Variants in SMO observed in about 807,000 individuals in gnomAD.
SMO encodes the protein smoothened, frizzled class receptor.
SMO carries 40 observed loss-of-function variants against 81.6 expected under a neutral mutation model. That is an observed-to-expected ratio of 0.49 (90% CI 0.38 to 0.64). The LOEUF (loss-of-function observed/expected upper bound fraction) is 0.64, where lower values mean the gene tolerates loss of function less well. Ranked by LOEUF, SMO falls within the 30% of genes least tolerant of loss-of-function variation. SMO has a pLI of 0.00. For synonymous variants in SMO, 434 were observed against 432.1 expected, an observed-to-expected ratio of 1.00 and a Z score of -0.05; for missense variants, 916 against 1,061.1, an observed-to-expected ratio of 0.86 and a Z score of 1.90.
In SMO at chr7:129,212,638, T is replaced by G; in HGVS notation, c.*187T>G. On this transcript the variant is annotated 3_prime_UTR_variant, in exon 12 of 12. Coordinates refer to ENST00000249373, the MANE Select transcript of SMO (RefSeq NM_005631.5). This position sits in a 1 kb window ranked among gnomAD's most constrained non-coding sequence, Gnocchi z 5.0. ...TGTGGGAAAGAGCCTAACATCTCCATGGGGAGGCCTCACCCCAGGGACAGG... is the reference window on the plus strand; with the variant it reads ...TGTGGGAAAGAGCCTAACATCTCCAGGGGGAGGCCTCACCCCAGGGACAGG... 1.6e-6 allele frequency: 1 copy of G among 618,420 alleles called. No individual in the cohort carries two copies. The highest frequency in any genetic ancestry group is 2.8e-5 in the East Asian group (1 of 36,070). The allele number at this position is 618,420 out of a possible 1,614,324, so 38.3% of individuals were successfully genotyped here.
chr7:129,206,849 T>A lies in SMO; in HGVS notation c.1264+262T>A, dbSNP rs1793774604. Reference sequence around the variant, plus strand: ...AGGGCTCACAGCTTGTTTTTTTTGTTTGTTTTTGTTTTTGAGACAGAGTCT... The same window carrying A: ...AGGGCTCACAGCTTGTTTTTTTTGTATGTTTTTGTTTTTGAGACAGAGTCT... On this transcript the variant is annotated intron_variant, in intron 6 of 11. Coordinates refer to ENST00000249373, the MANE Select transcript of SMO (RefSeq NM_005631.5). The surrounding 1 kb of genome is among the most constrained non-coding windows in gnomAD (Gnocchi z 4.4). Among the ~76,000 whole-genome samples the A allele has an allele frequency of 6.6e-6, 1 of 152,106 alleles. No individual in the cohort carries two copies. The highest frequency in any genetic ancestry group is 6.6e-5 in the Admixed American group (1 of 15,266).
Position 129,189,182 on chromosome 7 carries a change from G to A in SMO, c.31G>A (p.Glu11Lys), listed in dbSNP as rs1410118911. 2 of 1,169,960 alleles carry A rather than the reference G, an allele frequency of 1.7e-6. No individual in the cohort carries two copies. The highest frequency in any genetic ancestry group is 2.1e-6 in the Non-Finnish European group (2 of 936,028). 72.5% of individuals were successfully genotyped at this position (1,169,960 alleles called of 1,614,324 possible). The change falls in exon 1 of 12, where the codon GAG (glutamate) becomes AAG (lysine). Residue 11 changes from glutamate (E) to lysine (K), a missense_variant. Physicochemically the swap from Glu to Lys is moderately conservative, Grantham distance 56 (BLOSUM62 1). This residue lies in a region of SMO where 146 missense variants were observed against 149.9 expected (regional missense o/e 0.97). Coordinates refer to ENST00000249373, the MANE Select transcript of SMO (RefSeq NM_005631.5). This position sits in a 1 kb window ranked among gnomAD's most constrained non-coding sequence, Gnocchi z 4.7. ...CGCTGCCCGCCCAGCGCGGGGGCCG[G>A]AGCTCCCGCTCCTGGGGCTGCTGCT... MAAARPARGPELPLLGLLLLL... is the reference protein window; with the variant it reads MAAARPARGPKLPLLGLLLLL...
intron 1 of SMO, among the ~76,000 whole-genome samples, chr7:129,190,669 A>C (rs1793469443): frequency 6.6e-6 from 1 of 152,254 alleles, no homozygotes; most frequent in Non-Finnish European, 1.5e-5. Flanking sequence ...GGCTTGGTGC[A>C]GATGCTGGAG....
In SMO at chr7:129,206,584, C is replaced by T. The variant is rs2150650879; in HGVS notation, c.1261C>T (p.Arg421Ter). 3 of 1,614,112 alleles carry T rather than the reference C, an allele frequency of 1.9e-6. No individual in the cohort carries two copies. Among genetic ancestry groups the T allele is most frequent in the Non-Finnish European group, 2.5e-6 (3 of 1,180,008 alleles). The stretch of plus-strand genomic sequence containing the variant: ...CATCGTGGGAGGCTACTTCCTCATC[C>T]GAGGTGAGTGAAGACCAGGCCAGGA... ...VLIVGGYFLI[R>*]GVMTLFSIKS... The change falls in exon 6 of 12, where the codon CGA (arginine) becomes TGA (stop). Residue 421 changes from arginine to a stop codon, truncating the protein, a stop_gained. Coordinates refer to ENST00000249373, the MANE Select transcript of SMO (RefSeq NM_005631.5). LOFTEE classifies it high-confidence loss of function. The surrounding 1 kb of genome is among the most constrained non-coding windows in gnomAD (Gnocchi z 4.4).
rs1793873209 is a variant in SMO, at chr7:129,211,749, G to C, written c.1915G>C (p.Val639Leu). 1 of 1,614,052 alleles carries C rather than the reference G, an allele frequency of 6.2e-7. No homozygotes were observed. Among genetic ancestry groups the C allele is most frequent in the Non-Finnish European group, 8.5e-7 (1 of 1,180,010 alleles). The change falls in exon 11 of 12, where the codon GTC becomes CTC. Residue 639 changes from valine to leucine, a missense_variant. Physicochemically the swap from Val to Leu is conservative, Grantham distance 32. Coordinates refer to ENST00000249373, the MANE Select transcript of SMO (RefSeq NM_005631.5). The surrounding 1 kb of genome is among the most constrained non-coding windows in gnomAD (Gnocchi z 4.6). ...RGAILPQDIS[V>L]TPVATPVPPE... is the part of the protein sequence containing the mutation. ...AGCCATACTGCCCCAGGATATTTCT[G>C]TCACCCCTGTGGCAACTCCAGGTAT...
rs1793754401 is a variant in SMO at position 129,205,755 on chromosome 7, A to T, written c.893A>T (p.Asp298Val). The T allele has an allele frequency of 6.2e-7, 1 of 1,608,850 alleles. No homozygotes were observed. The highest frequency in any genetic ancestry group is 8.5e-7 in the Non-Finnish European group (1 of 1,179,846). ...GARREIVCRA[D>V]GTMRLGEPTS... ...CGCCGAGAGATCGTCTGCCGTGCAG[A>T]TGGCACCATGAGGCTTGGGGAGCCC... Residue 298 changes from aspartate to valine, a missense_variant, in exon 4 of 12, where the codon GAT (aspartate) becomes GTT (valine). This residue lies in a region of SMO where 436 missense variants were observed against 570.9 expected (regional missense o/e 0.76). Coordinates refer to ENST00000249373, the MANE Select transcript of SMO (RefSeq NM_005631.5).
In SMO at chr7:129,196,327, T is replaced by TTGTGTGTGTGTGTG. The variant is rs57674265; in HGVS notation, c.331+6861_331+6874dup. On this transcript the variant is annotated intron_variant, in intron 1 of 11. Coordinates refer to ENST00000249373, the MANE Select transcript of SMO (RefSeq NM_005631.5). ...AGTAGAGAGTCTGAGCTATTCTTGA[T>TTGTGTGTGTGTGTG]TGTGTGTGTGTGTGTGTGTGTGTGT... 3.0e-3 allele frequency among the ~76,000 whole-genome samples: 429 copies of TTGTGTGTGTGTGTG among 145,128 alleles called. 3 individuals carry two copies. Among genetic ancestry groups the TTGTGTGTGTGTGTG allele is most frequent in the African/African-American group, 0.01 (403 of 39,220 alleles).
In SMO at chr7:129,211,644, G is replaced by A. The variant is rs369778787; in HGVS notation, c.1810G>A (p.Ala604Thr). Reference protein sequence around the residue: ...VSHDGPVAGLAFDLNEPSADV... With the variant: ...VSHDGPVAGLTFDLNEPSADV... ...TCCTTCCATTCCCACAGCGGGCTTG[G>A]CCTTTGACCTCAATGAGCCCTCAGC... The change falls in exon 11 of 12, where the codon GCC becomes ACC. Residue 604 changes from alanine (A) to threonine (T), a missense_variant. Physicochemically the swap from Ala to Thr is moderately conservative, Grantham distance 58 (BLOSUM62 0). Transcript: ENST00000249373. This position sits in a 1 kb window ranked among gnomAD's most constrained non-coding sequence, Gnocchi z 4.6. The A allele has an allele frequency of 9.9e-6, 16 of 1,612,752 alleles. No homozygotes were observed. In the Admixed American group the frequency reaches 2.5e-4, roughly 25 times the overall value.
At position 129,211,810 on chromosome 7, in the gene SMO, A is replaced by C; in HGVS notation, c.1936+40A>C. The stretch of plus-strand genomic sequence containing the variant: ...GCTTCTGGAGGAAGGTGGGGGGAGC[A>C]CAGAGGCTGGGGGCTTCTGGGACTG... On this transcript the variant is annotated intron_variant, in intron 11 of 11. Coordinates refer to ENST00000249373, the MANE Select transcript of SMO (RefSeq NM_005631.5). The surrounding 1 kb of genome is among the most constrained non-coding windows in gnomAD (Gnocchi z 4.6). 1 of 1,612,810 alleles carries C rather than the reference A, an allele frequency of 6.2e-7. No homozygotes were observed. The highest frequency in any genetic ancestry group is 8.5e-7 in the Non-Finnish European group (1 of 1,179,100).
Position 129,205,337 on chromosome 7 carries a change from G to A in SMO, c.672G>A (p.Glu224=), listed in dbSNP as rs148484943. Residue 224 remains glutamate (E), a synonymous_variant, in exon 3 of 12, where the codon GAG becomes GAA. Transcript: ENST00000249373. ...AGTGCCAGAACCCGCTCTTCACAGA[G>A]GCTGAGCACCAGGACATGCACAGCT... The part of the protein sequence containing the change: ...GIQCQNPLFT[E]AEHQDMHSYI... 1 of 1,614,086 alleles carries A rather than the reference G, an allele frequency of 6.2e-7. No individual in the cohort carries two copies. The highest frequency in any genetic ancestry group is 1.3e-5 in the African/African-American group (1 of 75,068).
rs1303877437 is a variant in SMO at position 129,206,071 on chromosome 7, G to A, written c.921-79G>A. 1.6e-6 allele frequency: 2 copies of A among 1,214,626 alleles called. No homozygotes were observed. Among genetic ancestry groups the A allele is most frequent in the East Asian group, 2.3e-5 (1 of 42,680 alleles). 75.2% of individuals were successfully genotyped at this position (1,214,626 alleles called of 1,614,324 possible). On this transcript the variant is annotated intron_variant, in intron 4 of 11. Coordinates refer to ENST00000249373, the MANE Select transcript of SMO (RefSeq NM_005631.5). This position sits in a 1 kb window ranked among gnomAD's most constrained non-coding sequence, Gnocchi z 4.4. ...AACCTCCAGACCTCAGCAGCTGAGG[G>A]TCTGGGCACAGGGTGGGGAGACCAG... is the stretch of plus-strand genomic sequence containing the variant.
At chr7:129,194,713 T>G (rs912499726) in intron 1 of SMO, among the ~76,000 whole-genome samples, 3 of 152,260 alleles carry the variant, frequency 2.0e-5, no homozygotes, top group African/African-American at 4.8e-5. Flanking sequence ...ATTTCTTGCT[T>G]CTTTTACTTT....
At chr7:129,200,924 A>T (rs1793658440) in intron 1 of SMO, among the ~76,000 whole-genome samples, 1 of 152,068 alleles carries the variant, frequency 6.6e-6, no homozygotes. Flanking sequence ...TTTAGTAGAG[A>T]CAGGGTTTCA....
intron 1 of SMO, among the ~76,000 whole-genome samples, chr7:129,193,785 A>AATAT (rs71526088): frequency 0.052 from 1,356 of 26,274 alleles, 109 homozygotes; most frequent in Non-Finnish European, 0.06. Context: ...AAAAAAAAAA[A>AATAT]ATATATATAT....
At chr7:129,193,290 A>C (rs868551521) in intron 1 of SMO, among the ~76,000 whole-genome samples, 2 of 152,166 alleles carry the variant, frequency 1.3e-5, no homozygotes, top group African/African-American at 4.8e-5. Flanking sequence ...GCCCACTTGC[A>C]GGTAAGTAGG....
intron 3 of SMO, 52 bp from the exon 4 acceptor site, chr7:129,205,558 G>T (rs952101307): frequency 6.4e-7 from 1 of 1,568,418 alleles, no homozygotes; most frequent in Non-Finnish European, 8.8e-7. Context: ...AAGGGTGTCT[G>T]TGTCAGCAGA....
At chr7:129,199,630 G>A (rs1793635952) in intron 1 of SMO, among the ~76,000 whole-genome samples, 1 of 152,098 alleles carries the variant, frequency 6.6e-6, no homozygotes, top group Admixed American at 6.6e-5. Context: ...TTGCTACTCA[G>A]GAGGTTGAGG....
chr7:129,206,593 T>C lies in SMO; in HGVS notation c.1264+6T>C, dbSNP rs773028101. On this transcript the variant is annotated splice_donor_region_variant and intron_variant, in intron 6 of 11. Transcript: ENST00000249373. This position sits in a 1 kb window ranked among gnomAD's most constrained non-coding sequence, Gnocchi z 4.4. ...AGGCTACTTCCTCATCCGAGGTGAG[T>C]GAAGACCAGGCCAGGACCAGTTGGG... 6.2e-7 allele frequency: 1 copy of C among 1,613,982 alleles called. No individual in the cohort carries two copies. Among genetic ancestry groups the C allele is most frequent in the East Asian group, 2.2e-5 (1 of 44,874 alleles).
At position 129,204,022 on chromosome 7, in the gene SMO, C is replaced by T. The variant is rs565465130; in HGVS notation, c.537+433C>T. ...AACAGTAATAATGATGGTAATAATA[C>T]TAATTAGTCCTGTTTACTATATGCC... is the stretch of plus-strand genomic sequence containing the variant. On this transcript the variant is annotated intron_variant, in intron 2 of 11. Coordinates refer to ENST00000249373, the MANE Select transcript of SMO (RefSeq NM_005631.5). 1.1e-4 allele frequency among the ~76,000 whole-genome samples: 17 copies of T among 152,002 alleles called. No individual in the cohort carries two copies. The South Asian group carries it at 3.5e-3, about 32-fold the overall frequency.
Sources: allele counts gnomAD v4.1 joint callset (sites outside exome capture counted in the v4.1 genomes callset), GRCh38; gene constraint gnomAD v4.1.1; regional missense constraint gnomAD v4.1.1; non-coding constraint Gnocchi (gnomAD v3.1); transcripts MANE v1.5; gene names NCBI Gene and HGNC (gene_info 2026-07-23, HGNC 2026-07-21).